Variants in RNF130 observed in about 807,000 individuals in gnomAD.
RNF130 encodes the protein ring finger protein 130.
In RNF130, 21 loss-of-function variants were observed where a neutral mutation model predicts 44.6. That is an observed-to-expected ratio of 0.47 (90% CI 0.33 to 0.68). The LOEUF is 0.68. Among genes scored for constraint, RNF130 ranks in the 30% least tolerant of loss-of-function variants. RNF130 has a pLI of 0.02. For synonymous variants in RNF130, 214 were observed against 210.4 expected (o/e 1.02, Z -0.15); for missense variants, 479 against 560.6 (o/e 0.85, Z 1.47).
At chr5:180,010,970 A>C (rs1399874996) in intron 3 of RNF130, among the ~76,000 whole-genome samples, 2 of 152,242 alleles carry the variant, frequency 1.3e-5, no homozygotes, top group Non-Finnish European at 2.9e-5. Flanking sequence ...GCCAATTTCC[A>C]GGTTATGATA....
intron 2 of RNF130, among the ~76,000 whole-genome samples, chr5:180,021,656 C>G (rs558805336): frequency 6.6e-6 from 1 of 152,044 alleles, no homozygotes. Flanking sequence ...CTAAAACTTA[C>G]AGAAAAATTC....
At chr5:180,004,221 T>TGCACCC (rs2113065936) in intron 3 of RNF130, among the ~76,000 whole-genome samples, 1 of 152,332 alleles carries the variant, frequency 6.6e-6, no homozygotes, top group Non-Finnish European at 1.5e-5. Flanking sequence ...ACTCACTAAA[T>TGCACCC]GAAGTACAAA....
chr5:179,980,089 G>A (rs1762798937), intron 4 of RNF130, 40 bp downstream of exon 4: 4 of 1,571,788 alleles, frequency 2.5e-6, no homozygotes, highest in Non-Finnish European at 3.5e-6. Context: ...CAAAACTGCT[G>A]GATTACTTTT....
In RNF130 at chr5:179,978,155, C is replaced by T. The variant is rs1157694768; in HGVS notation, c.848+48G>A. 5 of 1,497,824 alleles carry T rather than the reference C, an allele frequency of 3.3e-6. No individual in the cohort carries two copies. In the East Asian group the frequency reaches 6.8e-5, roughly 20 times the overall value. The allele number at this position is 1,497,824 out of a possible 1,614,324, so 92.8% of individuals were successfully genotyped here. ...ATGCCCACCCTGAAAAGGAGGCATA[C>T]AAAGCACATTAATATCATTCTTTCT... is the stretch of plus-strand genomic sequence containing the variant. On this transcript the variant is annotated intron_variant, in intron 5 of 8. Coordinates refer to ENST00000521389, the MANE Select transcript of RNF130 (RefSeq NM_018434.6).
At chr5:180,048,872 C>T (rs1282662590) in intron 1 of RNF130, among the ~76,000 whole-genome samples, 1 of 152,166 alleles carries the variant, frequency 6.6e-6, no homozygotes, top group Admixed American at 6.5e-5. Context: ...AAAGCCAACC[C>T]TCCAGGTATG....
rs570990369 is a variant in RNF130 at position 179,924,283 on chromosome 5, G to A, written c.1151-3857C>T. On this transcript the variant is annotated intron_variant, in intron 7 of 7. Coordinates refer to the RNF130 transcript ENST00000522208. ...GGCTAAGGCGGGTGGATCACCTGAG[G>A]TTGGGAGTGCGAGACCAGCCTGACC... Among the ~76,000 whole-genome samples the A allele has an allele frequency of 5.9e-5, 9 of 152,062 alleles. No homozygotes were observed. In the South Asian group the frequency reaches 1.9e-3, roughly 32 times the overall value.
intron 3 of RNF130, among the ~76,000 whole-genome samples, chr5:179,987,395 C>T (rs1762979430): frequency 6.6e-6 from 1 of 152,226 alleles, no homozygotes; most frequent in Non-Finnish European, 1.5e-5. Context: ...TCTTGAACTA[C>T]TTGGCTCAAG....
At chr5:180,010,074 C>T (rs906271422) in intron 3 of RNF130, among the ~76,000 whole-genome samples, 5 of 151,624 alleles carry the variant, frequency 3.3e-5, no homozygotes, top group Non-Finnish European at 5.9e-5. Flanking sequence ...GGTGAAACCC[C>T]ATCTCTACTA....
intron 4 of RNF130, among the ~76,000 whole-genome samples, chr5:179,979,402 A>ATTCCT (rs1762781504): frequency 1.3e-5 from 2 of 151,652 alleles, no homozygotes; most frequent in African/African-American, 4.9e-5. Context: ...AAACTTAGGA[A>ATTCCT]GACAGAGAAT....
intron 1 of RNF130, among the ~76,000 whole-genome samples, chr5:180,062,571 G>A (rs1765011699): frequency 6.6e-6 from 1 of 152,216 alleles, no homozygotes; most frequent in South Asian, 2.1e-4. Context: ...TGAGGTTTAA[G>A]ATACCATATT....
intron 7 of RNF130, among the ~76,000 whole-genome samples, chr5:179,937,560 T>A (rs1761909562): frequency 6.6e-6 from 1 of 152,144 alleles, no homozygotes; most frequent in African/African-American, 2.4e-5. Flanking sequence ...ATAACAAGTG[T>A]TGGCAAGGAG....
chr5:179,995,704 A>T (rs1173853355), intron 3 of RNF130, among the ~76,000 whole-genome samples: 1 of 152,172 alleles, frequency 6.6e-6, no homozygotes, highest in Admixed American at 6.5e-5. Context: ...TGGATTGCAC[A>T]CTTCCCCAGT....
At chr5:180,026,211 T>C (rs779981858) in intron 2 of RNF130, among the ~76,000 whole-genome samples, 1 of 152,138 alleles carries the variant, frequency 6.6e-6, no homozygotes, top group East Asian at 1.9e-4. Context: ...TACATGTTTA[T>C]CTAAATTACC....
At chr5:179,920,192 C>T (rs962726516) in exon 8 of RNF130, 1 of 594,654 alleles carries the variant, frequency 1.7e-6, no homozygotes, top group African/African-American at 1.8e-5. Flanking sequence ...TGAACCCCAA[C>T]CTGTGCTTGG....
chr5:180,005,252 A>G (rs1763437830), intron 3 of RNF130, among the ~76,000 whole-genome samples: 1 of 152,070 alleles, frequency 6.6e-6, no homozygotes, highest in Non-Finnish European at 1.5e-5. Flanking sequence ...ACATGGCGAA[A>G]CCCCGTCTCT....
At chr5:179,970,650 T>A in intron 5 of RNF130, 144 bp from the exon 6 acceptor site, 2 of 640,304 alleles carry the variant, frequency 3.1e-6, no homozygotes, top group Non-Finnish European at 5.5e-6. Flanking sequence ...ATATTGGGAA[T>A]TTATTAAAAT....
chr5:180,040,149 T>G (rs189520591), intron 2 of RNF130, among the ~76,000 whole-genome samples: 1 of 152,346 alleles, frequency 6.6e-6, no homozygotes, highest in East Asian at 1.9e-4. Flanking sequence ...CCTGGGCGAA[T>G]GATTCCAAAT....
intron 7 of RNF130, among the ~76,000 whole-genome samples, chr5:179,928,198 C>T (rs1761733436): frequency 6.6e-6 from 1 of 152,086 alleles, no homozygotes; most frequent in Non-Finnish European, 1.5e-5. Context: ...GCCTTTCCCT[C>T]GGATGATGCC....
intron 3 of RNF130, among the ~76,000 whole-genome samples, chr5:180,007,539 A>G (rs1014772671): frequency 3.9e-5 from 6 of 152,218 alleles, no homozygotes; most frequent in African/African-American, 1.2e-4. Context: ...CCACCTTCTT[A>G]TTAAACTTTA....
Sources: gnomAD v4.1 joint callset for allele counts (sites outside exome capture counted in the v4.1 genomes callset) on GRCh38, gnomAD v4.1.1 for gene constraint, MANE v1.5 for transcripts, NCBI Gene and HGNC (gene_info 2026-07-23, HGNC 2026-07-21) for gene names.